ZSWIM5: variants seen among roughly 807,000 people sequenced by gnomAD.
The protein encoded by ZSWIM5 is zinc finger SWIM-type containing 5.
A neutral mutation model predicts 119.6 loss-of-function variants in ZSWIM5; 55 were observed. The observed-to-expected ratio is 0.46, with a 90% CI of 0.37 to 0.58. The LOEUF is 0.58. ZSWIM5 is among the 20% of genes least tolerant of loss of function. ZSWIM5 has a pLI of 0.00. For missense variants in ZSWIM5, 1,193 were observed against 1,512.8 expected (o/e 0.79, Z 3.51); for synonymous variants, 537 against 606.9 (o/e 0.88, Z 1.69).
At chr1:45,113,925 T>G (rs1327002136) in intron 1 of ZSWIM5, among the ~76,000 whole-genome samples, 1 of 152,222 alleles carries the variant, frequency 6.6e-6, no homozygotes, top group Non-Finnish European at 1.5e-5. Flanking sequence ...TAGTCTAATG[T>G]TCTACAACTT....
chr1:45,068,772 G>A (rs1349421137), intron 2 of ZSWIM5, among the ~76,000 whole-genome samples: 3 of 105,342 alleles, frequency 2.8e-5, no homozygotes, highest in African/African-American at 1.0e-4. Context: ...TCCTCTCACT[G>A]TTTTGTTGCT....
rs1557742945 is a variant in ZSWIM5, at chr1:45,036,275, A to G, written c.1919T>C (p.Val640Ala). 1.9e-6 allele frequency: 3 copies of G among 1,613,504 alleles called. No individual in the cohort carries two copies. Among genetic ancestry groups the G allele is most frequent in the Non-Finnish European group, 2.5e-6 (3 of 1,179,874 alleles). Residue 640 changes from valine to alanine, a missense_variant, in exon 9 of 14, where the codon GTG becomes GCG. By Grantham distance (64) the Val-to-Ala change is moderately conservative. Around this residue, in one of 2 missense-constraint regions of ZSWIM5, gnomAD observed 961 missense variants for 1,290.0 expected, o/e 0.74. Coordinates refer to ENST00000359600, the MANE Select transcript of ZSWIM5 (RefSeq NM_020883.2). Reference sequence around the variant, plus strand: ...TGCAGCCACAGGTACATGCTGGTACACAGGGGGTCTGCTTTCATTCATATC... The same window carrying G: ...TGCAGCCACAGGTACATGCTGGTACGCAGGGGGTCTGCTTTCATTCATATC... ...MSDMNESRPPVYQHVPVAAGS... is the reference protein window; with the variant it reads ...MSDMNESRPPAYQHVPVAAGS...
chr1:45,083,941 G>T (rs1416928290), intron 2 of ZSWIM5, among the ~76,000 whole-genome samples: 1 of 152,082 alleles, frequency 6.6e-6, no homozygotes, highest in Non-Finnish European at 1.5e-5. Context: ...GACAAAGTCT[G>T]GTTCTACCAC....
intron 1 of ZSWIM5, among the ~76,000 whole-genome samples, chr1:45,198,570 C>T (rs1251188755): frequency 6.8e-6 from 1 of 146,122 alleles, no homozygotes; most frequent in African/African-American, 2.7e-5. Context: ...GAGTTTTTCT[C>T]CACCACAACA....
rs879832009 is a variant in ZSWIM5, at chr1:45,193,118, A to T, written c.595+12638T>A. Among the ~76,000 whole-genome samples the T allele has an allele frequency of 6.8e-3, 1,033 of 152,262 alleles. 10 individuals are homozygous for T. Among genetic ancestry groups the T allele is most frequent in the African/African-American group, 0.021 (879 of 41,546 alleles). On this transcript the variant is annotated intron_variant, in intron 1 of 13. Transcript: ENST00000359600. Reference sequence around the variant, plus strand: ...TTAGAAATATCTGGCAGGCAAATATATATGCTGATCTTTGGATTATTTGGA... The same window carrying T: ...TTAGAAATATCTGGCAGGCAAATATTTATGCTGATCTTTGGATTATTTGGA...
chr1:45,093,952 TC>T (rs900407414), intron 1 of ZSWIM5, among the ~76,000 whole-genome samples: 3 of 151,400 alleles, frequency 2.0e-5, no homozygotes, highest in African/African-American at 7.3e-5. Context: ...CAAGGAATTC[TC>T]CCAAATTAAT....
At chr1:45,197,261 CTCTT>C (rs1459676772) in intron 1 of ZSWIM5, among the ~76,000 whole-genome samples, 1 of 152,226 alleles carries the variant, frequency 6.6e-6, no homozygotes, top group African/African-American at 2.4e-5. Flanking sequence ...GTGGAATAGT[CTCTT>C]TCCTCTAAAT....
At chr1:45,187,907 C>T (rs947328873) in intron 1 of ZSWIM5, among the ~76,000 whole-genome samples, 2 of 152,060 alleles carry the variant, frequency 1.3e-5, no homozygotes, top group Admixed American at 6.6e-5. Context: ...ATACTACTTC[C>T]GGGCCTCCAC....
chr1:45,202,437 A>T (rs1178725163), intron 1 of ZSWIM5, among the ~76,000 whole-genome samples: 1 of 152,030 alleles, frequency 6.6e-6, no homozygotes, highest in Non-Finnish European at 1.5e-5. Flanking sequence ...CACTTTTTAT[A>T]TTTCCATTAT....
rs1645361121 is a variant in ZSWIM5, at chr1:45,090,989, T to C, written c.596-2752A>G. 2.0e-5 allele frequency among the ~76,000 whole-genome samples: 3 copies of C among 151,974 alleles called. No homozygotes were observed. In the South Asian group the frequency reaches 6.2e-4, roughly 32 times the overall value. On this transcript the variant is annotated intron_variant, in intron 1 of 13. Coordinates refer to ENST00000359600, the MANE Select transcript of ZSWIM5 (RefSeq NM_020883.2). ...CTAGAACCTGATATTTACTATGGAG[T>C]CTTGGGCCACCCACTTTACAACTCT...
At chr1:45,182,828 A>G (rs539488414) in intron 1 of ZSWIM5, among the ~76,000 whole-genome samples, 22 of 152,298 alleles carry the variant, frequency 1.4e-4, no homozygotes, top group Admixed American at 1.2e-3. Context: ...TGTCAACATT[A>G]GACAGATCAA....
Position 45,205,896 on chromosome 1 carries a change from G to A in ZSWIM5, c.455C>T (p.Ala152Val), listed in dbSNP as rs1646186302. The A allele has an allele frequency of 4.7e-6, 5 of 1,063,008 alleles. No homozygotes were observed. Among genetic ancestry groups the A allele is most frequent in the South Asian group, 4.3e-5 (1 of 23,106 alleles). 65.8% of individuals were successfully genotyped at this position (1,063,008 alleles called of 1,614,324 possible). A position where few individuals can be genotyped will look rare whatever the true frequency, so the allele number is the denominator to read the frequency against. Reference protein sequence around the residue: ...PPGAAAPAGSAPGGVAAGASP... With the variant: ...PPGAAAPAGSVPGGVAAGASP... Reference sequence around the variant, plus strand: ...TGCCCCAGCCGCGACGCCCCCGGGGGCGGAGCCGGCCGGAGCGGCGGCCCC... The same window carrying A: ...TGCCCCAGCCGCGACGCCCCCGGGGACGGAGCCGGCCGGAGCGGCGGCCCC... Residue 152 changes from alanine (A) to valine (V), a missense_variant, in exon 1 of 14, where the codon GCC (alanine) becomes GTC (valine). Physicochemically the swap from Ala to Val is moderately conservative, Grantham distance 64 (BLOSUM62 0). Around this residue, in one of 2 missense-constraint regions of ZSWIM5, gnomAD observed 232 missense variants for 222.9 expected, o/e 1.04. Transcript: ENST00000359600.
At chr1:45,197,699 T>G (rs1646134651) in intron 1 of ZSWIM5, among the ~76,000 whole-genome samples, 1 of 152,250 alleles carries the variant, frequency 6.6e-6, no homozygotes, top group Admixed American at 6.5e-5. Flanking sequence ...AAACTGCACA[T>G]GGATTTCACT....
intron 1 of ZSWIM5, among the ~76,000 whole-genome samples, chr1:45,189,993 CG>C (rs1646081619): frequency 1.3e-5 from 2 of 152,030 alleles, no homozygotes; most frequent in African/African-American, 2.4e-5. Context: ...GCCTGAGAAA[CG>C]TCACAGTAAC....
At chr1:45,155,343 C>T (rs1645820806) in intron 1 of ZSWIM5, among the ~76,000 whole-genome samples, 1 of 152,092 alleles carries the variant, frequency 6.6e-6, no homozygotes, top group Non-Finnish European at 1.5e-5. Flanking sequence ...CTTACTCCTG[C>T]AAGAATGGCC....
rs566162719 is a variant in ZSWIM5 at position 45,107,026 on chromosome 1, A to G, written c.596-18789T>C. Among the ~76,000 whole-genome samples, 8 of 152,320 alleles carry G rather than the reference A, an allele frequency of 5.3e-5. No individual in the cohort carries two copies. The South Asian group carries it at 1.7e-3, about 32-fold the overall frequency. On this transcript the variant is annotated intron_variant, in intron 1 of 13. Transcript: ENST00000359600. ...ATACTTGAAGACAGCATACTCGTTA[A>G]GAGTCATCACCACTCCCTAATCTCA...
At chr1:45,160,351 G>A (rs1449862937) in intron 1 of ZSWIM5, among the ~76,000 whole-genome samples, 2 of 152,024 alleles carry the variant, frequency 1.3e-5, no homozygotes, top group African/African-American at 4.8e-5. Flanking sequence ...ATACATTGTT[G>A]CTAACTATCA....
intron 1 of ZSWIM5, among the ~76,000 whole-genome samples, chr1:45,101,209 A>G (rs1465506840): frequency 6.6e-6 from 1 of 152,106 alleles, no homozygotes; most frequent in Non-Finnish European, 1.5e-5. Flanking sequence ...AAAAAAAACG[A>G]CCCCATCAAA....
intron 1 of ZSWIM5, among the ~76,000 whole-genome samples, chr1:45,204,978 GTATAA>G (rs1461330743): frequency 9.9e-5 from 15 of 152,056 alleles, no homozygotes; most frequent in African/African-American, 2.4e-4. Context: ...GAAATCATTT[GTATAA>G]TATATTTTTC....
Sources: allele counts gnomAD v4.1 joint callset (sites outside exome capture counted in the v4.1 genomes callset), GRCh38; gene constraint gnomAD v4.1.1; regional missense constraint gnomAD v4.1.1; transcripts MANE v1.5; gene names NCBI Gene and HGNC (gene_info 2026-07-23, HGNC 2026-07-21).